The following SMIM21 variants were observed in gnomAD, a reference collection of about 807,000 sequenced individuals.
The protein encoded by SMIM21 is small integral membrane protein 21.
Under a neutral mutation model 8.6 loss-of-function variants are expected in SMIM21, and 8 were observed. That is an observed-to-expected ratio of 0.93 (90% CI 0.55 to 1.68). The LOEUF (loss-of-function observed/expected upper bound fraction) is 1.68. Ranked by LOEUF, SMIM21 falls within the 40% of genes most tolerant of loss-of-function variation. The pLI is 0.00. For missense variants in SMIM21, 132 were observed against 123.0 expected (o/e 1.07, Z -0.35); for synonymous variants, 43 against 41.7 (o/e 1.03, Z -0.12).
chr18:75,420,299 G>A (rs13381778), intron 1 of SMIM21, among the ~76,000 whole-genome samples: 69,541 of 152,056 alleles, frequency 0.46, 18,376 homozygotes, highest in East Asian at 0.79. Context: ...GGAGAAAGGT[G>A]GGACTTCTTA....
At chr18:75,422,128 C>G (rs568443319) in intron 1 of SMIM21, among the ~76,000 whole-genome samples, 1 of 152,144 alleles carries the variant, frequency 6.6e-6, no homozygotes, top group East Asian at 1.9e-4. Flanking sequence ...GGCCACTGGC[C>G]CAGAATTCAG....
chr18:75,422,000 G>A (rs1384015322), intron 1 of SMIM21, among the ~76,000 whole-genome samples: 6 of 152,254 alleles, frequency 3.9e-5, no homozygotes, highest in African/African-American at 1.2e-4. Context: ...CCAATATGAC[G>A]TGATTGGGGT....
Position 75,427,566 on chromosome 18 carries a change from G to A in SMIM21, c.-3C>T. 1 of 1,601,916 alleles carries A rather than the reference G, an allele frequency of 6.2e-7. No individual in the cohort carries two copies. The highest frequency in any genetic ancestry group is 2.2e-5 in the East Asian group (1 of 44,714). On this transcript the variant is annotated 5_prime_UTR_variant, in exon 1 of 3. Coordinates refer to ENST00000579022, the MANE Select transcript of SMIM21 (RefSeq NM_001037331.3). Reference sequence around the variant, plus strand: ...GCTGTGGACACATACTGGTCCATGTGGGGGCTGCGGCGGTGACCAGTGAGA... The same window carrying A: ...GCTGTGGACACATACTGGTCCATGTAGGGGCTGCGGCGGTGACCAGTGAGA...
intron 1 of SMIM21, among the ~76,000 whole-genome samples, chr18:75,423,660 G>A (rs1296466676): frequency 6.6e-6 from 1 of 152,232 alleles, no homozygotes; most frequent in East Asian, 1.9e-4. Flanking sequence ...TGGTTCCCGT[G>A]CCCTTTTCTT....
chr18:75,416,566 G>A (rs2144550273), intron 2 of SMIM21: 1 of 152,252 alleles, frequency 6.6e-6, no homozygotes, highest in East Asian at 1.9e-4. Context: ...CTACAGAAAT[G>A]TTCCTCCATC....
chr18:75,412,269 C>A (rs1038384883), intron 2 of SMIM21, among the ~76,000 whole-genome samples: 5 of 152,056 alleles, frequency 3.3e-5, no homozygotes, highest in African/African-American at 1.2e-4. Flanking sequence ...TGAGTGTGGG[C>A]AACTTTGTTA....
At chr18:75,417,036 A>G (rs371235871) in intron 2 of SMIM21, 3 of 152,194 alleles carry the variant, frequency 2.0e-5, no homozygotes, top group Non-Finnish European at 2.9e-5. Flanking sequence ...TTATTAAACT[A>G]AGTAGCTAAA....
intron 1 of SMIM21, among the ~76,000 whole-genome samples, chr18:75,427,128 C>T (rs1241109082): frequency 2.0e-5 from 3 of 152,164 alleles, no homozygotes; most frequent in Non-Finnish European, 2.9e-5. Flanking sequence ...TTAAGAGGCT[C>T]TCTCTGTAGG....
intron 2 of SMIM21, among the ~76,000 whole-genome samples, chr18:75,418,530 G>A (rs889404854): frequency 3.9e-5 from 6 of 152,168 alleles, no homozygotes; most frequent in African/African-American, 1.2e-4. Flanking sequence ...GAAGGAGGTC[G>A]CTGCAGTATA....
chr18:75,414,602 T>C (rs990444762), intron 2 of SMIM21, among the ~76,000 whole-genome samples: 11 of 152,212 alleles, frequency 7.2e-5, no homozygotes, highest in Non-Finnish European at 1.3e-4. Flanking sequence ...ATGTATTCAG[T>C]TGCCTTCGCT....
intron 1 of SMIM21, among the ~76,000 whole-genome samples, chr18:75,420,626 C>G (rs950552400): frequency 5.3e-5 from 8 of 152,160 alleles, no homozygotes; most frequent in African/African-American, 1.9e-4. Context: ...TGCTTCCTCA[C>G]TGGGCTGAGG....
In SMIM21 at chr18:75,410,714, A is replaced by G; in HGVS notation, c.*150T>C. 1 of 1,450,928 alleles carries G rather than the reference A, an allele frequency of 6.9e-7. No homozygotes were observed. The allele number at this position is 1,450,928 out of a possible 1,614,324, so 89.9% of individuals were successfully genotyped here. ...GCAGACATTATCATTGCAAAAAGTT[A>G]CACGTTCTTCATTCTCTCTGTGGAG... On this transcript the variant is annotated 3_prime_UTR_variant, in exon 3 of 3. Coordinates refer to ENST00000579022, the MANE Select transcript of SMIM21 (RefSeq NM_001037331.3).
intron 1 of SMIM21, among the ~76,000 whole-genome samples, chr18:75,420,214 G>A (rs927421912): frequency 3.3e-5 from 5 of 152,180 alleles, no homozygotes; most frequent in Non-Finnish European, 5.9e-5. Context: ...GGAGCTACTT[G>A]GGTTGTATCA....
At chr18:75,424,221 T>C (rs1441257172) in intron 1 of SMIM21, among the ~76,000 whole-genome samples, 1 of 152,172 alleles carries the variant, frequency 6.6e-6, no homozygotes, top group East Asian at 1.9e-4. Context: ...AAGTAGCAAA[T>C]ACAATCAACA....
At chr18:75,413,617 A>C (rs1013660148) in intron 2 of SMIM21, among the ~76,000 whole-genome samples, 1 of 152,024 alleles carries the variant, frequency 6.6e-6, no homozygotes, top group Non-Finnish European at 1.5e-5. Flanking sequence ...CTTCCCTCCA[A>C]ATCAATTTCT....
chr18:75,426,497 G>A (rs1452420468), intron 1 of SMIM21, among the ~76,000 whole-genome samples: 1 of 151,816 alleles, frequency 6.6e-6, no homozygotes, highest in Admixed American at 6.6e-5. Flanking sequence ...TTCTAGTAGA[G>A]ATGGGGTTTC....
In SMIM21 at chr18:75,409,804, T is replaced by C. The variant is rs1401968398; in HGVS notation, c.*1060A>G. 6.6e-6 allele frequency: 1 copy of C among 152,420 alleles called. No homozygotes were observed. Among genetic ancestry groups the C allele is most frequent in the Non-Finnish European group, 1.5e-5 (1 of 68,108 alleles). The allele number at this position is 152,420 out of a possible 1,614,324, so 9.4% of individuals were successfully genotyped here. A position where few individuals can be genotyped will look rare whatever the true frequency, so the allele number is the denominator to read the frequency against. Reference sequence around the variant, plus strand: ...TTCCGGGGAGCCCAGCCATCTGCACTCAGGTCCTCAGGTGGATTTGCCCTT... The same window carrying C: ...TTCCGGGGAGCCCAGCCATCTGCACCCAGGTCCTCAGGTGGATTTGCCCTT... On this transcript the variant is annotated 3_prime_UTR_variant, in exon 3 of 3. Transcript: ENST00000579022.
intron 2 of SMIM21, among the ~76,000 whole-genome samples, chr18:75,412,320 G>T (rs778641932): frequency 1.3e-5 from 2 of 152,192 alleles, no homozygotes; most frequent in African/African-American, 2.4e-5. Flanking sequence ...AAGAAAATAC[G>T]GTGAATTTAA....
intron 2 of SMIM21, among the ~76,000 whole-genome samples, chr18:75,415,438 T>C (rs2144548562): frequency 6.6e-6 from 1 of 152,346 alleles, no homozygotes; most frequent in East Asian, 1.9e-4. Flanking sequence ...TGGGAGTCTC[T>C]GCTGATGTCA....
Sources: gnomAD v4.1 joint callset for allele counts (sites outside exome capture counted in the v4.1 genomes callset) on GRCh38, gnomAD v4.1.1 for gene constraint, MANE v1.5 for transcripts, NCBI Gene and HGNC (gene_info 2026-07-23, HGNC 2026-07-21) for gene names.